The following MRFAP1L1 variants were observed in gnomAD, a reference collection of about 807,000 sequenced individuals.
MRFAP1L1 encodes MORF4 family-associated protein 1-like 1.
A neutral mutation model predicts 10.6 loss-of-function variants in MRFAP1L1; 9 were observed. The observed-to-expected ratio is 0.85, with a 90% CI of 0.51 to 1.48. MRFAP1L1 has a LOEUF of 1.48. Ranked by LOEUF, MRFAP1L1 falls within the 40% of genes most tolerant of loss-of-function variation. The pLI is 0.00. For missense variants in MRFAP1L1, 177 were observed against 171.4 expected, an observed-to-expected ratio of 1.03 and a Z score of -0.18; for synonymous variants, 78 against 70.4, an observed-to-expected ratio of 1.11 and a Z score of -0.54.
intron 1 of MRFAP1L1, 189 bp downstream of exon 1, chr4:6,709,042 A>C: frequency 1.6e-6 from 1 of 625,260 alleles, no homozygotes; most frequent in Non-Finnish European, 2.8e-6. Flanking sequence ...AAAAAACGGT[A>C]TACTAACGCC....
chr4:6,709,196 G>C (rs1714697647), intron 1 of MRFAP1L1, 35 bp downstream of exon 1: 1 of 1,595,646 alleles, frequency 6.3e-7, no homozygotes, highest in Admixed American at 1.7e-5. Context: ...CGACTACTGA[G>C]TTTCATCCAA....
intron 1 of MRFAP1L1, 83 bp downstream of exon 1, chr4:6,709,148 A>G (rs1272003914): frequency 2.0e-6 from 3 of 1,467,346 alleles, no homozygotes; most frequent in South Asian, 1.3e-5. Flanking sequence ...GGCCTAGAAC[A>G]TAACTTTTTA....
At position 6,709,609 on chromosome 4, in the gene MRFAP1L1, G is replaced by C; in HGVS notation, c.21C>G (p.Asp7Glu). The C allele has an allele frequency of 6.2e-7, 1 of 1,613,082 alleles. No individual in the cohort carries two copies. Among genetic ancestry groups the C allele is most frequent in the Non-Finnish European group, 8.5e-7 (1 of 1,179,110 alleles). The change falls in exon 1 of 2, where the codon GAC (aspartate) becomes GAG (glutamate). Residue 7 changes from aspartate to glutamate, a missense_variant. Coordinates refer to ENST00000320848, the MANE Select transcript of MRFAP1L1 (RefSeq NM_203462.3). Reference protein sequence around the residue: MRPLDIDEVEAPEEVEV... With the variant: MRPLDIEEVEAPEEVEV... ...CCACTTCCTCAGGCGCTTCCACCTCGTCTATGTCCAGGGGCCGCATCTCCT... is the reference window on the plus strand; with the variant it reads ...CCACTTCCTCAGGCGCTTCCACCTCCTCTATGTCCAGGGGCCGCATCTCCT...
rs747505815 is a variant in MRFAP1L1, at chr4:6,709,633, C to T, written c.-4G>A. 1.9e-6 allele frequency: 3 copies of T among 1,609,662 alleles called. No homozygotes were observed. The Admixed American group carries it at 5.0e-5, about 27-fold the overall frequency. The stretch of plus-strand genomic sequence containing the variant: ...CGTCTATGTCCAGGGGCCGCATCTC[C>T]TCCTGCCGCTTCCTCAGTACCGCAG... On this transcript the variant is annotated 5_prime_UTR_variant, in exon 1 of 2. Coordinates refer to ENST00000320848, the MANE Select transcript of MRFAP1L1 (RefSeq NM_203462.3).
In MRFAP1L1 at chr4:6,709,318, G is replaced by T. The variant is rs1714704448; in HGVS notation, c.312C>A (p.Ala104=). The change falls in exon 1 of 2, where the codon GCC becomes GCA. Residue 104 remains alanine, a synonymous_variant. Transcript: ENST00000320848. ...SELCEKAEEK[A]KEIAKMAEML... is the part of the protein sequence containing the mutation. ...TCTCTGCCATCTTCGCAATCTCCTT[G>T]GCTTTCTCCTCAGCCTTCTCGCACA... 3.1e-6 allele frequency: 5 copies of T among 1,614,230 alleles called. No homozygotes were observed. In the East Asian group the frequency reaches 1.1e-4, roughly 36 times the overall value.
Position 6,707,862 on chromosome 4 carries a change from T to C in MRFAP1L1, c.*797A>G, listed in dbSNP as rs761016964. On this transcript the variant is annotated 3_prime_UTR_variant, in exon 2 of 2. Coordinates refer to ENST00000320848, the MANE Select transcript of MRFAP1L1 (RefSeq NM_203462.3). ...CTCCAATCTGACAGGTCTACTACCCTGATGAACTGGAAGAGACTTTCCAGG... is the reference window on the plus strand; with the variant it reads ...CTCCAATCTGACAGGTCTACTACCCCGATGAACTGGAAGAGACTTTCCAGG... The C allele has an allele frequency of 1.3e-5, 2 of 152,660 alleles. No homozygotes were observed. Among genetic ancestry groups the C allele is most frequent in the East Asian group, 3.9e-4 (2 of 5,186 alleles). The allele number at this position is 152,660 out of a possible 1,614,324, so 9.5% of individuals were successfully genotyped here.
chr4:6,708,822 T>G (rs1714680793), intron 1 of MRFAP1L1, 179 bp from the exon 2 acceptor site: 2 of 110,148 alleles, frequency 1.8e-5, no homozygotes, highest in Admixed American at 1.9e-4. Context: ...CTGGCTTTAC[T>G]CTTTATTTCT....
Position 6,709,368 on chromosome 4 carries a change from C to A in MRFAP1L1, c.262G>T (p.Glu88Ter), listed in dbSNP as rs753411155. 1.2e-6 allele frequency: 2 copies of A among 1,614,280 alleles called. No individual in the cohort carries two copies. The highest frequency in any genetic ancestry group is 1.7e-6 in the Non-Finnish European group (2 of 1,180,048). The change falls in exon 1 of 2, where the codon GAA (glutamate) becomes TAA (stop). Residue 88 changes from glutamate (E) to a stop codon, truncating the protein, a stop_gained. Transcript: ENST00000320848. LOFTEE classifies it high-confidence loss of function. ...AACTCCGACACTCTCTCGTCGGCTT[C>A]GCCACTCGGGTGCTGCACGTGATTG... ...ALNHVQHPSG[E>*]ADERVSELCE...
rs752067962 is a variant in MRFAP1L1, at chr4:6,707,724, C to G, written c.*935G>C. ...AATTTGTTTATGATTCTTTTATTAA[C>G]ACACACAGGAGGGGCTTTGGTCATG... On this transcript the variant is annotated 3_prime_UTR_variant, in exon 2 of 2. Transcript: ENST00000320848. 1.3e-5 allele frequency: 2 copies of G among 152,162 alleles called. No individual in the cohort carries two copies. The highest frequency in any genetic ancestry group is 2.9e-5 in the Non-Finnish European group (2 of 68,016). The allele number at this position is 152,162 out of a possible 1,614,324, so 9.4% of individuals were successfully genotyped here. A position where few individuals can be genotyped will look rare whatever the true frequency, so the allele number is the denominator to read the frequency against.
In MRFAP1L1 at chr4:6,709,590, C is replaced by T. The variant is rs1180077030; in HGVS notation, c.40G>A (p.Glu14Lys). ...TCCTCGGGCTCCAGCACCTCCACTT[C>T]CTCAGGCGCTTCCACCTCGTCTATG... Reference protein sequence around the residue: ...LDIDEVEAPEEVEVLEPEEDF... With the variant: ...LDIDEVEAPEKVEVLEPEEDF... The change falls in exon 1 of 2, where the codon GAA becomes AAA. Residue 14 changes from glutamate (E) to lysine (K), a missense_variant. By Grantham distance (56) the Glu-to-Lys change is moderately conservative. Transcript: ENST00000320848. The T allele has an allele frequency of 1.9e-6, 3 of 1,613,840 alleles. No individual in the cohort carries two copies. The highest frequency in any genetic ancestry group is 1.1e-5 in the South Asian group (1 of 91,086).
At position 6,709,661 on chromosome 4, in the gene MRFAP1L1, G is replaced by A. The variant is rs1360315477; in HGVS notation, c.-32C>T. The A allele has an allele frequency of 1.3e-6, 2 of 1,592,724 alleles. No individual in the cohort carries two copies. The highest frequency in any genetic ancestry group is 2.2e-5 in the East Asian group (1 of 44,494). ...CTGCCGCTTCCTCAGTACCGCAGTA[G>A]GGGCGTTCTTCTCACCGGAACCCTC... is the stretch of plus-strand genomic sequence containing the variant. On this transcript the variant is annotated 5_prime_UTR_variant, in exon 1 of 2. Coordinates refer to ENST00000320848, the MANE Select transcript of MRFAP1L1 (RefSeq NM_203462.3).
Position 6,708,657 on chromosome 4 carries a change from G to A in MRFAP1L1, c.*16-14C>T, listed in dbSNP as rs987801514. On this transcript the variant is annotated splice_polypyrimidine_tract_variant and intron_variant, in intron 1 of 1. Coordinates refer to ENST00000320848, the MANE Select transcript of MRFAP1L1 (RefSeq NM_203462.3). ...TCAGCTGTGAACCTAAAGCACAATT[G>A]GGAGAAATTTACCATGAAGACATTG... is the stretch of plus-strand genomic sequence containing the variant. The A allele has an allele frequency of 6.5e-6, 1 of 153,576 alleles. No homozygotes were observed. The highest frequency in any genetic ancestry group is 2.4e-5 in the African/African-American group (1 of 41,384). 9.5% of individuals were successfully genotyped at this position (153,576 alleles called of 1,614,324 possible).
rs765095916 is a variant in MRFAP1L1, at chr4:6,709,445, T to A, written c.185A>T (p.Asn62Ile). The change falls in exon 1 of 2, where the codon AAT becomes ATT. Residue 62 changes from asparagine (N) to isoleucine (I), a missense_variant. By Grantham distance (149) the Asn-to-Ile change is moderately radical (BLOSUM62 -3). Transcript: ENST00000320848. ...RTRSKLWEMDNMLIQIKTQVE... is the reference protein window; with the variant it reads ...RTRSKLWEMDIMLIQIKTQVE... Reference sequence around the variant, plus strand: ...CTGCGTTTTGATCTGGATAAGCATATTGTCCATCTCCCACAGCTTGCTCCT... The same window carrying A: ...CTGCGTTTTGATCTGGATAAGCATAATGTCCATCTCCCACAGCTTGCTCCT... The A allele has an allele frequency of 6.2e-7, 1 of 1,614,154 alleles. No individual in the cohort carries two copies. The highest frequency in any genetic ancestry group is 1.3e-5 in the African/African-American group (1 of 74,958).
In MRFAP1L1 at chr4:6,709,698, G is replaced by A; in HGVS notation, c.-69C>T. 2.6e-6 allele frequency: 4 copies of A among 1,550,790 alleles called. No individual in the cohort carries two copies. The South Asian group carries it at 3.6e-5, about 14-fold the overall frequency. Reference sequence around the variant, plus strand: ...TCACCGGAACCCTCCAAGAACTGGAGATCAGCAGTTACTGCTGGAGGCTGA... The same window carrying A: ...TCACCGGAACCCTCCAAGAACTGGAAATCAGCAGTTACTGCTGGAGGCTGA... On this transcript the variant is annotated 5_prime_UTR_variant, in exon 1 of 2. Coordinates refer to ENST00000320848, the MANE Select transcript of MRFAP1L1 (RefSeq NM_203462.3).
Position 6,709,450 on chromosome 4 carries a change from C to T in MRFAP1L1, c.180G>A (p.Met60Ile), listed in dbSNP as rs758154590. ...YLRTRSKLWE[M>I]DNMLIQIKTQ... Reference sequence around the variant, plus strand: ...TTTTGATCTGGATAAGCATATTGTCCATCTCCCACAGCTTGCTCCTGGTCC... The same window carrying T: ...TTTTGATCTGGATAAGCATATTGTCTATCTCCCACAGCTTGCTCCTGGTCC... Residue 60 changes from methionine to isoleucine, a missense_variant, in exon 1 of 2, where the codon ATG (methionine) becomes ATA (isoleucine). By Grantham distance (10) the Met-to-Ile change is conservative (BLOSUM62 1). Transcript: ENST00000320848. The T allele has an allele frequency of 3.1e-6, 5 of 1,614,146 alleles. No individual in the cohort carries two copies. The highest frequency in any genetic ancestry group is 4.2e-6 in the Non-Finnish European group (5 of 1,180,060).
In MRFAP1L1 at chr4:6,709,411, G is replaced by A. The variant is rs775656898; in HGVS notation, c.219C>T (p.Ala73=). The change falls in exon 1 of 2, where the codon GCC becomes GCT. Residue 73 remains alanine (A), a synonymous_variant. Coordinates refer to ENST00000320848, the MANE Select transcript of MRFAP1L1 (RefSeq NM_203462.3). Reference sequence around the variant, plus strand: ...CGTGATTGAGGGCGCTCTCCTCCGAGGCCTCCACCTGCGTTTTGATCTGGA... The same window carrying A: ...CGTGATTGAGGGCGCTCTCCTCCGAAGCCTCCACCTGCGTTTTGATCTGGA... The part of the protein sequence containing the change: ...MLIQIKTQVE[A]SEESALNHVQ... The A allele has an allele frequency of 1.8e-5, 29 of 1,614,112 alleles. No individual in the cohort carries two copies. The highest frequency in any genetic ancestry group is 3.3e-5 in the Admixed American group (2 of 60,008).
At chr4:6,709,067 C>A (rs750942638) in intron 1 of MRFAP1L1, 164 bp downstream of exon 1, 26 of 729,268 alleles carry the variant, frequency 3.6e-5, no homozygotes, top group Non-Finnish European at 5.6e-5. Flanking sequence ...AAAACCAGCA[C>A]GCATTCTTTC....
Position 6,709,250 on chromosome 4 carries a change from G to A in MRFAP1L1, c.380C>T (p.Ser127Phe), listed in dbSNP as rs759812467. 3.1e-6 allele frequency: 5 copies of A among 1,612,810 alleles called. No individual in the cohort carries two copies. In the Admixed American group the frequency reaches 6.7e-5, roughly 21 times the overall value. The stretch of plus-strand genomic sequence containing the variant: ...CCTTACCACCGATCTCCTCCTTCAA[G>A]AAGACTCGCTTCTCTCTATTCGCCA... ...LVWRIERSES[S>F] Residue 127 changes from serine to phenylalanine, a missense_variant, in exon 1 of 2, where the codon TCT (serine) becomes TTT (phenylalanine). By Grantham distance (155) the Ser-to-Phe change is radical (BLOSUM62 -2). Transcript: ENST00000320848.
In MRFAP1L1 at chr4:6,709,654, C is replaced by T. The variant is rs1028007435; in HGVS notation, c.-25G>A. On this transcript the variant is annotated 5_prime_UTR_variant, in exon 1 of 2. Coordinates refer to ENST00000320848, the MANE Select transcript of MRFAP1L1 (RefSeq NM_203462.3). ...TCTCCTCCTGCCGCTTCCTCAGTACCGCAGTAGGGGCGTTCTTCTCACCGG... is the reference window on the plus strand; with the variant it reads ...TCTCCTCCTGCCGCTTCCTCAGTACTGCAGTAGGGGCGTTCTTCTCACCGG... 2.5e-6 allele frequency: 4 copies of T among 1,601,318 alleles called. No homozygotes were observed. The Admixed American group carries it at 5.0e-5, about 20-fold the overall frequency.
Sources: allele counts gnomAD v4.1 joint callset, GRCh38; gene constraint gnomAD v4.1.1; transcripts MANE v1.5; gene names NCBI Gene and HGNC (gene_info 2026-07-23, HGNC 2026-07-21).